Variants in KIAA1328 observed in about 807,000 individuals in gnomAD.
The protein encoded by KIAA1328 is protein hinderin.
KIAA1328 carries 52 observed loss-of-function variants against 68.1 expected under a neutral mutation model. The ratio of observed to expected loss-of-function variants is 0.76; its 90% confidence interval spans 0.61 to 0.96. KIAA1328 has a LOEUF of 0.96. KIAA1328 is among the 40% of genes least tolerant of loss of function. The probability of loss-of-function intolerance (pLI) is 0.00; values close to 1 mark genes in which losing one functional copy is unlikely to be tolerated. For missense variants in KIAA1328, 641 were observed against 677.6 expected (o/e 0.95, Z 0.60); for synonymous variants, 232 against 239.4 (o/e 0.97, Z 0.28).
intron 9 of KIAA1328, among the ~76,000 whole-genome samples, chr18:37,187,813 C>T (rs1469241661): frequency 1.3e-5 from 2 of 152,048 alleles, no homozygotes; most frequent in African/African-American, 4.8e-5. Context: ...TGTTTCTTAC[C>T]GAGGGCTGTC....
At chr18:37,005,324 A>T (rs999829401) in intron 6 of KIAA1328, among the ~76,000 whole-genome samples, 5 of 152,140 alleles carry the variant, frequency 3.3e-5, no homozygotes, top group African/African-American at 1.2e-4. Context: ...AGACCAACAA[A>T]TGGCCAACAG....
At chr18:36,970,972 A>T (rs2052180047) in intron 6 of KIAA1328, among the ~76,000 whole-genome samples, 1 of 152,188 alleles carries the variant, frequency 6.6e-6, no homozygotes, top group South Asian at 2.1e-4. Context: ...TATGGAACCA[A>T]AAAAGAGCCT....
At chr18:36,836,836 C>T (rs1226557998) in intron 3 of KIAA1328, among the ~76,000 whole-genome samples, 1 of 152,062 alleles carries the variant, frequency 6.6e-6, no homozygotes, top group Admixed American at 6.5e-5. Context: ...TGCTTTCAGT[C>T]TCTATAGATT....
rs769062667 is a variant in KIAA1328, at chr18:37,156,426, C to CAAA, written c.1233-3750_1233-3748dup. On this transcript the variant is annotated intron_variant, in intron 7 of 9. Coordinates refer to ENST00000280020, the MANE Select transcript of KIAA1328 (RefSeq NM_020776.3). ...AGGTGACAAGAGAGAAACTCCGCCT[C>CAAA]AAAAAAAAAAAAAAAAAAAAAAAAA... Among the ~76,000 whole-genome samples the CAAA allele has an allele frequency of 1.4e-4, 5 of 36,112 alleles. No homozygotes were observed. In the East Asian group the frequency reaches 4.3e-3, roughly 31 times the overall value. The allele number at this position is 36,112 out of a possible 152,430, so 23.7% of individuals were successfully genotyped here.
In KIAA1328 at chr18:37,048,856, G is replaced by A. The variant is rs184741020; in HGVS notation, c.577-18034G>A. Among the ~76,000 whole-genome samples the A allele has an allele frequency of 2.8e-4, 42 of 152,274 alleles. No homozygotes were observed. In the South Asian group the frequency reaches 2.9e-3, roughly 11 times the overall value. On this transcript the variant is annotated intron_variant, in intron 6 of 9. Coordinates refer to ENST00000280020, the MANE Select transcript of KIAA1328 (RefSeq NM_020776.3). ...ACCTGTTAAGTTCCTTAGGATACAA[G>A]TTAGTCCATTTAGCTGTTGCTGCTC...
At chr18:37,151,240 A>G (rs962719533) in intron 7 of KIAA1328, among the ~76,000 whole-genome samples, 1 of 152,210 alleles carries the variant, frequency 6.6e-6, no homozygotes, top group African/African-American at 2.4e-5. Context: ...ATATCTCTAC[A>G]TGATAACCAC....
chr18:36,885,771 G>T, intron 5 of KIAA1328, 99 bp downstream of exon 5: 2 of 713,624 alleles, frequency 2.8e-6, no homozygotes, highest in East Asian at 6.1e-5. Flanking sequence ...AGGCTGCAGT[G>T]CAATGGTGCG....
chr18:37,019,056 C>T (rs1246970073), intron 6 of KIAA1328, among the ~76,000 whole-genome samples: 4 of 152,102 alleles, frequency 2.6e-5, no homozygotes, highest in East Asian at 1.9e-4. Flanking sequence ...GATGCTGGCA[C>T]TTCTAATTTT....
chr18:36,873,393 C>T (rs974696824), intron 4 of KIAA1328, among the ~76,000 whole-genome samples: 7 of 152,192 alleles, frequency 4.6e-5, no homozygotes, highest in African/African-American at 1.7e-4. Context: ...TTCAGGGCCT[C>T]TCCTTGTGGT....
intron 7 of KIAA1328, among the ~76,000 whole-genome samples, chr18:37,146,870 C>T (rs939559598): frequency 2.6e-5 from 4 of 152,170 alleles, no homozygotes; most frequent in African/African-American, 4.8e-5. Flanking sequence ...CTCCAAATCT[C>T]ATGTTGAAAT....
At chr18:37,219,797 G>A (rs1005836042) in intron 9 of KIAA1328, among the ~76,000 whole-genome samples, 1 of 152,198 alleles carries the variant, frequency 6.6e-6, no homozygotes, top group African/African-American at 2.4e-5. Flanking sequence ...GTGAGGTGAT[G>A]CCCCACCTTG....
chr18:36,870,069 G>A (rs912610378), intron 4 of KIAA1328, among the ~76,000 whole-genome samples: 3 of 152,010 alleles, frequency 2.0e-5, no homozygotes, highest in Non-Finnish European at 4.4e-5. Flanking sequence ...TCACCATGTT[G>A]ACCAGGATGG....
At chr18:36,863,382 CTA>C (rs1360408859) in intron 4 of KIAA1328, among the ~76,000 whole-genome samples, 2 of 151,964 alleles carry the variant, frequency 1.3e-5, no homozygotes, top group East Asian at 3.9e-4. Flanking sequence ...TTCCACTGGC[CTA>C]TGTGTCTATT....
intron 7 of KIAA1328, among the ~76,000 whole-genome samples, chr18:37,114,205 C>T (rs1171713772): frequency 6.6e-6 from 1 of 152,206 alleles, no homozygotes; most frequent in East Asian, 1.9e-4. Context: ...ACAGACTATA[C>T]ATTCTTCTCA....
At chr18:37,216,487 T>G (rs1432447103) in intron 9 of KIAA1328, among the ~76,000 whole-genome samples, 2 of 152,036 alleles carry the variant, frequency 1.3e-5, no homozygotes, top group Non-Finnish European at 2.9e-5. Flanking sequence ...GAGTTTGAAT[T>G]TGATTGCACC....
chr18:36,934,911 A>G (rs2050445974), intron 5 of KIAA1328, among the ~76,000 whole-genome samples: 1 of 152,194 alleles, frequency 6.6e-6, no homozygotes, highest in South Asian at 2.1e-4. Flanking sequence ...TTTTATTTAC[A>G]TATTGGTCCA....
intron 6 of KIAA1328, among the ~76,000 whole-genome samples, chr18:36,979,160 T>C (rs1022542553): frequency 6.6e-6 from 1 of 151,390 alleles, no homozygotes; most frequent in South Asian, 2.1e-4. Flanking sequence ...AGACCCTATC[T>C]CTAAAAATAA....
intron 7 of KIAA1328, among the ~76,000 whole-genome samples, chr18:37,151,176 T>C (rs2059020446): frequency 6.6e-6 from 1 of 152,174 alleles, no homozygotes; most frequent in Admixed American, 6.5e-5. Flanking sequence ...AAAGCATTTA[T>C]AGTACCATCA....
intron 6 of KIAA1328, among the ~76,000 whole-genome samples, chr18:37,041,647 TGTG>T (rs1195489062): frequency 2.1e-4 from 2 of 9,410 alleles, no homozygotes; most frequent in African/African-American, 3.0e-4. Flanking sequence ...TGTTTGTGTG[TGTG>T]TGTGTGTGTG....
Sources: allele counts gnomAD v4.1 joint callset (sites outside exome capture counted in the v4.1 genomes callset), GRCh38; gene constraint gnomAD v4.1.1; transcripts MANE v1.5; gene names NCBI Gene and HGNC (gene_info 2026-07-23, HGNC 2026-07-21).